The following ATXN10 variants were observed in gnomAD, a reference collection of about 807,000 sequenced individuals.
ATXN10 encodes the protein ataxin-10.
A neutral mutation model predicts 52.9 loss-of-function variants in ATXN10; 28 were observed. The observed-to-expected ratio is 0.53, with a 90% CI of 0.39 to 0.73. The LOEUF is 0.73. Ranked by LOEUF, ATXN10 falls within the 30% of genes least tolerant of loss-of-function variation. ATXN10 has a pLI of 0.00. For synonymous variants in ATXN10, 226 were observed against 221.5 expected (o/e 1.02, Z -0.18); for missense variants, 565 against 577.0 (o/e 0.98, Z 0.21).
At chr22:45,726,002 C>T (rs965534566) in intron 6 of ATXN10, among the ~76,000 whole-genome samples, 3 of 152,224 alleles carry the variant, frequency 2.0e-5, no homozygotes, top group South Asian at 2.1e-4. Flanking sequence ...AGATGAAACC[C>T]ACTTGATTAT....
At chr22:45,791,969 A>G (rs1027567547) in intron 9 of ATXN10, among the ~76,000 whole-genome samples, 1 of 152,094 alleles carries the variant, frequency 6.6e-6, no homozygotes, top group Admixed American at 6.6e-5. Context: ...TGTTCTTTTA[A>G]TATTTTTTCT....
Position 45,835,123 on chromosome 22 carries a change from G to A in ATXN10, c.1238-7868G>A, listed in dbSNP as rs534320165. 2.6e-5 allele frequency among the ~76,000 whole-genome samples: 4 copies of A among 152,300 alleles called. No individual in the cohort carries two copies. In the South Asian group the frequency reaches 8.3e-4, roughly 32 times the overall value. The stretch of plus-strand genomic sequence containing the variant: ...CACCGCCAAAACCCCGTGAATGTGA[G>A]GTACCTGTGAGCGCGGCCCTCCATC... On this transcript the variant is annotated intron_variant, in intron 10 of 11. Transcript: ENST00000252934. The surrounding 1 kb of genome is among the most constrained non-coding windows in gnomAD (Gnocchi z 5.0).
intron 2 of ATXN10, among the ~76,000 whole-genome samples, chr22:45,691,141 A>T (rs944648141): frequency 6.6e-6 from 1 of 152,238 alleles, no homozygotes; most frequent in Non-Finnish European, 1.5e-5. Context: ...AATAATCTTG[A>T]TAATAATAGT....
Position 45,819,763 on chromosome 22 carries a change from T to A in ATXN10, c.1237+12741T>A, listed in dbSNP as rs542604699. Reference sequence around the variant, plus strand: ...GAAGTTAATTATTTGCCAATTTTTCTTTTTGCATTAGATTAATTAAAAACA... The same window carrying A: ...GAAGTTAATTATTTGCCAATTTTTCATTTTGCATTAGATTAATTAAAAACA... On this transcript the variant is annotated intron_variant, in intron 10 of 11. Coordinates refer to ENST00000252934, the MANE Select transcript of ATXN10 (RefSeq NM_013236.4). This position sits in a 1 kb window ranked among gnomAD's most constrained non-coding sequence, Gnocchi z 4.5. 2.5e-4 allele frequency among the ~76,000 whole-genome samples: 38 copies of A among 152,246 alleles called. No individual in the cohort carries two copies. Among genetic ancestry groups the A allele is most frequent in the Admixed American group, 8.5e-4 (13 of 15,284 alleles).
In ATXN10 at chr22:45,744,608, T is replaced by A. The variant is rs1335382702; in HGVS notation, c.1173+4070T>A. On this transcript the variant is annotated intron_variant, in intron 9 of 11. Transcript: ENST00000252934. This position sits in a 1 kb window ranked among gnomAD's most constrained non-coding sequence, Gnocchi z 4.9. The stretch of plus-strand genomic sequence containing the variant: ...GAAGACAGTCGCTTTAGTGGTGGAA[T>A]GACACATGTCCACTAGGAGCTGTAG... The A allele has an allele frequency of 2.0e-5, 3 of 152,218 alleles. No homozygotes were observed. The highest frequency in any genetic ancestry group is 2.0e-4 in the Admixed American group (3 of 15,278). The allele number at this position is 152,218 out of a possible 1,614,324, so 9.4% of individuals were successfully genotyped here.
rs1473411573 is a variant in ATXN10 at position 45,744,014 on chromosome 22, G to A, written c.1173+3476G>A. 2.6e-5 allele frequency among the ~76,000 whole-genome samples: 4 copies of A among 152,114 alleles called. No individual in the cohort carries two copies. Among genetic ancestry groups the A allele is most frequent in the Non-Finnish European group, 4.4e-5 (3 of 68,004 alleles). ...CAGTCTGCGTCTCCTAGGCCAGCCA[G>A]GCCCCTTAGACTCCCTCCTGGTTGA... On this transcript the variant is annotated intron_variant, in intron 9 of 11. Transcript: ENST00000252934. This position sits in a 1 kb window ranked among gnomAD's most constrained non-coding sequence, Gnocchi z 4.9.
rs114450109 is a variant in ATXN10, at chr22:45,757,071, A to G, written c.1173+16533A>G. Among the ~76,000 whole-genome samples, 1,625 of 151,792 alleles carry G rather than the reference A, an allele frequency of 0.011. 38 individuals carry two copies. The highest frequency in any genetic ancestry group is 0.037 in the African/African-American group (1,527 of 41,376). The stretch of plus-strand genomic sequence containing the variant: ...TCCCAAGTGGCTGTGCCCTCCTCCT[A>G]TTTGCGGAGGAATGGCTTTGGTCTG... On this transcript the variant is annotated intron_variant, in intron 9 of 11. Transcript: ENST00000252934. The surrounding 1 kb of genome is among the most constrained non-coding windows in gnomAD (Gnocchi z 4.6).
In ATXN10 at chr22:45,744,681, G is replaced by C. The variant is rs1316192434; in HGVS notation, c.1173+4143G>C. On this transcript the variant is annotated intron_variant, in intron 9 of 11. Transcript: ENST00000252934. The surrounding 1 kb of genome is among the most constrained non-coding windows in gnomAD (Gnocchi z 4.9). ...TGTCAGAAAGGAACAGGGGGGTGAT[G>C]TGTCCTCTGGGCTGGCTGTGCCAGG... 6.6e-6 allele frequency: 1 copy of C among 152,312 alleles called. No individual in the cohort carries two copies. Among genetic ancestry groups the C allele is most frequent in the Non-Finnish European group, 1.5e-5 (1 of 68,114 alleles). 9.4% of individuals were successfully genotyped at this position (152,312 alleles called of 1,614,324 possible).
intron 9 of ATXN10, among the ~76,000 whole-genome samples, chr22:45,755,355 C>T (rs1215259335): frequency 6.6e-6 from 1 of 152,198 alleles, no homozygotes; most frequent in Non-Finnish European, 1.5e-5. Context: ...CCTCATCCTT[C>T]TTTTACATAC....
chr22:45,772,052 T>G lies in ATXN10; in HGVS notation c.1173+31514T>G, dbSNP rs1926797856. On this transcript the variant is annotated intron_variant, in intron 9 of 11. Transcript: ENST00000252934. The surrounding 1 kb of genome is among the most constrained non-coding windows in gnomAD (Gnocchi z 4.1). The stretch of plus-strand genomic sequence containing the variant: ...ACATTTTCATTCTCTTAGCAGTGTG[T>G]TTGGCAGAGCAAGAGTTAAAATTTT... 6.6e-6 allele frequency among the ~76,000 whole-genome samples: 1 copy of G among 152,246 alleles called. No homozygotes were observed. Among genetic ancestry groups the G allele is most frequent in the Non-Finnish European group, 1.5e-5 (1 of 68,046 alleles).
At chr22:45,735,059 A>G (rs1218230339) in intron 7 of ATXN10, among the ~76,000 whole-genome samples, 1 of 151,638 alleles carries the variant, frequency 6.6e-6, no homozygotes, top group Non-Finnish European at 1.5e-5. Context: ...TTGTATTTTT[A>G]GTAGAGATGG....
At position 45,843,627 on chromosome 22, in the gene ATXN10, G is replaced by T. The variant is rs1359975252; in HGVS notation, c.1426-42G>T. 2 of 1,604,924 alleles carry T rather than the reference G, an allele frequency of 1.2e-6. No individual in the cohort carries two copies. The highest frequency in any genetic ancestry group is 3.4e-5 in the Admixed American group (2 of 59,682). The stretch of plus-strand genomic sequence containing the variant: ...TTTTGTCTGATGAATCTTGTGAACA[G>T]ATTTGCTACATCTGCAATTTTGTTT... On this transcript the variant is annotated intron_variant, in intron 11 of 11. Transcript: ENST00000252934. The surrounding 1 kb of genome is among the most constrained non-coding windows in gnomAD (Gnocchi z 4.5).
chr22:45,714,284 T>A (rs921314721), intron 5 of ATXN10, among the ~76,000 whole-genome samples: 1 of 152,212 alleles, frequency 6.6e-6, no homozygotes, highest in Non-Finnish European at 1.5e-5. Context: ...TTGATCTTTA[T>A]CAGTGTATAG....
Position 45,841,425 on chromosome 22 carries a change from C to T in ATXN10, c.1238-1566C>T, listed in dbSNP as rs1929342899. 6.6e-6 allele frequency among the ~76,000 whole-genome samples: 1 copy of T among 152,206 alleles called. No individual in the cohort carries two copies. Among genetic ancestry groups the T allele is most frequent in the Non-Finnish European group, 1.5e-5 (1 of 68,034 alleles). ...TCAGCACATGTTGGTTGGTCCTTTG[C>T]TTTGTGCCAGGCTCCATGTTGAGGC... On this transcript the variant is annotated intron_variant, in intron 10 of 11. Coordinates refer to ENST00000252934, the MANE Select transcript of ATXN10 (RefSeq NM_013236.4). This position sits in a 1 kb window ranked among gnomAD's most constrained non-coding sequence, Gnocchi z 5.1.
chr22:45,774,488 G>A lies in ATXN10; in HGVS notation c.1174-32471G>A, dbSNP rs1352388780. Among the ~76,000 whole-genome samples, 5 of 152,222 alleles carry A rather than the reference G, an allele frequency of 3.3e-5. No individual in the cohort carries two copies. Among genetic ancestry groups the A allele is most frequent in the Non-Finnish European group, 5.9e-5 (4 of 68,044 alleles). On this transcript the variant is annotated intron_variant, in intron 9 of 11. Transcript: ENST00000252934. The surrounding 1 kb of genome is among the most constrained non-coding windows in gnomAD (Gnocchi z 6.2). ...GAACTACTACTTTGATGTAAGAGGA[G>A]ATCGCTATTAGGAAATTCCAGATGT...
At chr22:45,832,523 T>A (rs1929027520) in intron 10 of ATXN10, among the ~76,000 whole-genome samples, 1 of 152,236 alleles carries the variant, frequency 6.6e-6, no homozygotes, top group Admixed American at 6.5e-5. Flanking sequence ...CAGACTTTGT[T>A]TTTTGGTTTA....
Position 45,828,621 on chromosome 22 carries a change from G to A in ATXN10, c.1238-14370G>A, listed in dbSNP as rs978631259. ...TTGCAAGAGAGCACTGTGAACAATT[G>A]TACACCATCAGTTTGGATAATGTAA... is the stretch of plus-strand genomic sequence containing the variant. On this transcript the variant is annotated intron_variant, in intron 10 of 11. Coordinates refer to ENST00000252934, the MANE Select transcript of ATXN10 (RefSeq NM_013236.4). This position sits in a 1 kb window ranked among gnomAD's most constrained non-coding sequence, Gnocchi z 4.5. Among the ~76,000 whole-genome samples the A allele has an allele frequency of 1.3e-5, 2 of 152,122 alleles. No homozygotes were observed. The highest frequency in any genetic ancestry group is 1.5e-5 in the Non-Finnish European group (1 of 68,032).
intron 9 of ATXN10, among the ~76,000 whole-genome samples, chr22:45,764,729 A>G (rs1926524040): frequency 6.6e-6 from 1 of 152,218 alleles, no homozygotes. Context: ...ACAAATAACA[A>G]CATTCGTAAA....
At chr22:45,725,295 G>A (rs1348530325) in intron 6 of ATXN10, among the ~76,000 whole-genome samples, 1 of 151,370 alleles carries the variant, frequency 6.6e-6, no homozygotes, top group African/African-American at 2.4e-5. Context: ...AGCATGGGAT[G>A]TATTTCCATT....
Sources: gnomAD v4.1 joint callset for allele counts (sites outside exome capture counted in the v4.1 genomes callset) on GRCh38, gnomAD v4.1.1 for gene constraint, Gnocchi (gnomAD v3.1) non-coding constraint, MANE v1.5 for transcripts, NCBI Gene and HGNC (gene_info 2026-07-23, HGNC 2026-07-21) for gene names.